Variants in KIAA1217 observed in about 807,000 individuals in gnomAD.
The protein encoded by KIAA1217 is KIAA1217.
KIAA1217 carries 88 observed loss-of-function variants against 163.9 expected under a neutral mutation model. The observed-to-expected ratio is 0.54, with a 90% CI of 0.45 to 0.64. KIAA1217 has a LOEUF of 0.64. Ranked by LOEUF, KIAA1217 falls within the 30% of genes least tolerant of loss-of-function variation. KIAA1217 has a pLI of 0.00. For synonymous variants in KIAA1217, 903 were observed against 923.1 expected (o/e 0.98, Z 0.39); for missense variants, 2,372 against 2,475.0 (o/e 0.96, Z 0.88).
chr10:23,988,999 T>G (rs1187815013), intron 1 of KIAA1217, among the ~76,000 whole-genome samples: 2 of 152,232 alleles, frequency 1.3e-5, no homozygotes, highest in African/African-American at 2.4e-5. Context: ...TTTGCTGATG[T>G]GATTAATTAA....
Position 23,956,622 on chromosome 10 carries a change from G to A in KIAA1217, c.-320-50603G>A, listed in dbSNP as rs1338440627. Among the ~76,000 whole-genome samples, 3 of 152,116 alleles carry A rather than the reference G, an allele frequency of 2.0e-5. No homozygotes were observed. In the South Asian group the frequency reaches 6.2e-4, roughly 32 times the overall value. ...AGGGATACCTGAGACTGGGTAATTT[G>A]TAGAGAAAAGAGATGTACTGGGCCA... On this transcript the variant is annotated intron_variant, in intron 1 of 18. Transcript: ENST00000376462.
At chr10:23,924,267 A>T (rs1842946712) in intron 1 of KIAA1217, among the ~76,000 whole-genome samples, 1 of 151,478 alleles carries the variant, frequency 6.6e-6, no homozygotes, top group Non-Finnish European at 1.5e-5. Flanking sequence ...AACTGTCTTT[A>T]CTTTTTAAAG....
chr10:24,435,896 G>A (rs538000506), intron 4 of KIAA1217, among the ~76,000 whole-genome samples: 5 of 151,170 alleles, frequency 3.3e-5, no homozygotes, highest in South Asian at 4.2e-4. Flanking sequence ...AATTTCACTC[G>A]GTCGCCCAGG....
At chr10:23,834,145 G>A (rs1838339953) in intron 1 of KIAA1217, among the ~76,000 whole-genome samples, 1 of 152,134 alleles carries the variant, frequency 6.6e-6, no homozygotes, top group African/African-American at 2.4e-5. Flanking sequence ...CTCATTTTGA[G>A]TGAGAAAATC....
At position 23,824,641 on chromosome 10, in the gene KIAA1217, AAAAAAAAAAT is replaced by A. The variant is rs1193509732; in HGVS notation, c.-321+129416_-321+129425del. ...GAAACTCTGTCTCAAGAAAAAAAAA[AAAAAAAAAAT>A]AAAAAAAATATATATATATATATAT... On this transcript the variant is annotated intron_variant, in intron 1 of 18. Coordinates refer to the KIAA1217 transcript ENST00000376462. Among the ~76,000 whole-genome samples the A allele has an allele frequency of 4.4e-3, 393 of 88,630 alleles. 1 individual carries two copies. Among genetic ancestry groups the A allele is most frequent in the African/African-American group, 0.019 (373 of 19,438 alleles). 58.1% of individuals were successfully genotyped at this position (88,630 alleles called of 152,430 possible). A position where few individuals can be genotyped will look rare whatever the true frequency, so the allele number is the denominator to read the frequency against.
chr10:24,102,179 A>G (rs979295545), intron 2 of KIAA1217, among the ~76,000 whole-genome samples: 6 of 152,226 alleles, frequency 3.9e-5, no homozygotes, highest in African/African-American at 1.4e-4. Flanking sequence ...GGAATGAAGA[A>G]GCAATTATAG....
chr10:23,859,153 T>G lies in KIAA1217; in HGVS notation c.-320-148072T>G, dbSNP rs76173769. On this transcript the variant is annotated intron_variant, in intron 1 of 18. Transcript: ENST00000376462. ...CTTTGTATATGTGTGGGTGTATACATATGTATATGTATAACATGTGAAACT... is the reference window on the plus strand; with the variant it reads ...CTTTGTATATGTGTGGGTGTATACAGATGTATATGTATAACATGTGAAACT... 6.6e-3 allele frequency among the ~76,000 whole-genome samples: 1,001 copies of G among 152,342 alleles called. 34 individuals are homozygous for G. Among genetic ancestry groups the G allele is most frequent in the Admixed American group, 0.046 (698 of 15,298 alleles).
intron 1 of KIAA1217, among the ~76,000 whole-genome samples, chr10:23,893,329 A>G (rs376654750): frequency 6.6e-6 from 1 of 151,876 alleles, no homozygotes; most frequent in Non-Finnish European, 1.5e-5. Context: ...TGTGGGATCG[A>G]TGGTGATATC....
chr10:24,002,187 T>C (rs1390162012), intron 1 of KIAA1217, among the ~76,000 whole-genome samples: 1 of 152,174 alleles, frequency 6.6e-6, no homozygotes, highest in African/African-American at 2.4e-5. Context: ...ATGAGCAGAT[T>C]TGTGGCAATT....
intron 2 of KIAA1217, among the ~76,000 whole-genome samples, chr10:24,337,650 C>CTTTTCTTTTCTT (rs1554821347): frequency 9.8e-5 from 4 of 40,886 alleles, no homozygotes; most frequent in African/African-American, 7.7e-4. Context: ...CTTTTCTTTT[C>CTTTTCTTTTCTT]TTTTTTTTTT....
intron 1 of KIAA1217, among the ~76,000 whole-genome samples, chr10:23,875,604 A>G (rs958571835): frequency 1.3e-5 from 2 of 152,054 alleles, no homozygotes; most frequent in African/African-American, 4.8e-5. Flanking sequence ...CTGGGGATAT[A>G]CCCAAATGAT....
chr10:24,077,553 T>A (rs1409692358), intron 2 of KIAA1217, among the ~76,000 whole-genome samples: 1 of 152,252 alleles, frequency 6.6e-6, no homozygotes, highest in Non-Finnish European at 1.5e-5. Context: ...GGTGTATACA[T>A]ACCACATTTT....
chr10:24,407,072 ATC>A (rs2057293024), intron 3 of KIAA1217, among the ~76,000 whole-genome samples: 1 of 152,202 alleles, frequency 6.6e-6, no homozygotes, highest in African/African-American at 2.4e-5. Flanking sequence ...CCCTGGGCAG[ATC>A]TCTTCTCCTT....
intron 1 of KIAA1217, among the ~76,000 whole-genome samples, chr10:23,812,054 C>T (rs1837086783): frequency 6.6e-6 from 1 of 152,046 alleles, no homozygotes; most frequent in African/African-American, 2.4e-5. Context: ...CACTGCACTC[C>T]AGCCTGGGTG....
Position 23,934,625 on chromosome 10 carries a change from AT to A in KIAA1217, c.-320-72590del, listed in dbSNP as rs1183009109. On this transcript the variant is annotated intron_variant, in intron 1 of 18. Transcript: ENST00000376462. ...TATATATGTATATATATATATATAT[AT>A]TTTTTTTTTGAGACGGAGTCTCGCT... Among the ~76,000 whole-genome samples the A allele has an allele frequency of 6.9e-4, 47 of 68,530 alleles. 10 individuals are homozygous for A. Among genetic ancestry groups the A allele is most frequent in the African/African-American group, 4.2e-3 (45 of 10,832 alleles). 45.0% of individuals were successfully genotyped at this position (68,530 alleles called of 152,430 possible).
At chr10:23,719,972 T>G (rs1304397730) in intron 1 of KIAA1217, among the ~76,000 whole-genome samples, 1 of 152,192 alleles carries the variant, frequency 6.6e-6, no homozygotes, top group East Asian at 1.9e-4. Context: ...TCAGAATAGT[T>G]TAATACTAGA....
rs192329921 is a variant in KIAA1217, at chr10:24,201,295, C to T, written c.-170-18331C>T. 1.5e-3 allele frequency among the ~76,000 whole-genome samples: 221 copies of T among 152,084 alleles called. 2 individuals carry two copies. Among genetic ancestry groups the T allele is most frequent in the African/African-American group, 5.2e-3 (217 of 41,504 alleles). On this transcript the variant is annotated intron_variant, in intron 2 of 18. Transcript: ENST00000376462. ...CAAAAAACAAAAAAATTCGTTGCAC[C>T]TTTTTTACTTTTATGAACTCAAGCG...
chr10:23,969,546 C>G (rs374671261), intron 1 of KIAA1217, among the ~76,000 whole-genome samples: 2 of 152,152 alleles, frequency 1.3e-5, no homozygotes, highest in African/African-American at 2.4e-5. Context: ...TTTTGAGCAT[C>G]TTTTCATGTG....
At chr10:24,155,694 C>A (rs2131870884) in intron 2 of KIAA1217, among the ~76,000 whole-genome samples, 1 of 152,046 alleles carries the variant, frequency 6.6e-6, no homozygotes, top group African/African-American at 2.4e-5. Flanking sequence ...CAGTGGCGGG[C>A]ACCTGTAATC....
Sources: gnomAD v4.1 joint callset for allele counts (sites outside exome capture counted in the v4.1 genomes callset) on GRCh38, gnomAD v4.1.1 for gene constraint, MANE v1.5 for transcripts, NCBI Gene and HGNC (gene_info 2026-07-23, HGNC 2026-07-21) for gene names.